DNAH5: variants seen among roughly 807,000 people sequenced by gnomAD.
DNAH5 encodes dynein axonemal heavy chain 5.
A neutral mutation model predicts 518.2 loss-of-function variants in DNAH5; 372 were observed. The observed-to-expected ratio is 0.72, with a 90% CI of 0.66 to 0.78. The LOEUF is 0.78. Among genes scored for constraint, DNAH5 ranks in the 30% least tolerant of loss-of-function variants. The pLI is 0.00. For missense variants in DNAH5, 5,523 were observed against 5,687.0 expected (o/e 0.97, Z 0.93); for synonymous variants, 2,039 against 2,025.9 (o/e 1.01, Z -0.17).
chr5:13,807,081 G>C (rs1398090446), intron 47 of DNAH5, among the ~76,000 whole-genome samples: 1 of 152,208 alleles, frequency 6.6e-6, no homozygotes, highest in Admixed American at 6.5e-5. Context: ...CAATCATGCA[G>C]AAGTGGATTA....
intron 58 of DNAH5, among the ~76,000 whole-genome samples, chr5:13,767,766 G>T (rs1346099233): frequency 1.3e-5 from 2 of 152,160 alleles, no homozygotes; most frequent in East Asian, 1.9e-4. Flanking sequence ...TCTCTTTTCT[G>T]CAGGCCAAGA....
chr5:13,754,404 T>C, intron 61 of DNAH5, 66 bp from the exon 62 acceptor site: 3 of 1,579,020 alleles, frequency 1.9e-6, no homozygotes, highest in Non-Finnish European at 2.6e-6. Flanking sequence ...CTCAAAAATA[T>C]AATTGTAGAA....
intron 51 of DNAH5, among the ~76,000 whole-genome samples, chr5:13,786,754 T>C (rs1756092407): frequency 6.6e-6 from 1 of 152,150 alleles, no homozygotes; most frequent in Non-Finnish European, 1.5e-5. Context: ...TTGCATTTAC[T>C]CAGGAAATTT....
intron 38 of DNAH5, among the ~76,000 whole-genome samples, 161 bp from the exon 39 acceptor site, chr5:13,824,494 C>T (rs778230666): frequency 9.2e-5 from 14 of 152,162 alleles, no homozygotes; most frequent in South Asian, 2.1e-4. Context: ...TATAGATATA[C>T]GTTTTGAGCA....
intron 78 of DNAH5, among the ~76,000 whole-genome samples, chr5:13,692,376 C>G (rs545536563): frequency 6.6e-6 from 1 of 152,258 alleles, no homozygotes; most frequent in African/African-American, 2.4e-5. Flanking sequence ...GCCCCTTGCC[C>G]TGAACCATGG....
At chr5:13,736,057 G>A (rs1203350700) in intron 66 of DNAH5, 125 bp from the exon 67 acceptor site, 2 of 731,178 alleles carry the variant, frequency 2.7e-6, no homozygotes, top group Non-Finnish European at 5.0e-6. Context: ...CTGCCTACCA[G>A]ATACGGGATA....
intron 49 of DNAH5, among the ~76,000 whole-genome samples, chr5:13,793,159 G>A (rs1013855804): frequency 6.6e-6 from 1 of 152,036 alleles, no homozygotes; most frequent in African/African-American, 2.4e-5. Context: ...ATAAACTTTC[G>A]ACATGGAACA....
intron 30 of DNAH5, among the ~76,000 whole-genome samples, chr5:13,852,293 G>T (rs1766988136): frequency 6.6e-6 from 1 of 152,108 alleles, no homozygotes; most frequent in African/African-American, 2.4e-5. Context: ...TCAGCCTCCT[G>T]AGAAGCTGGG....
chr5:13,829,885 T>C (rs914829296), intron 37 of DNAH5, 141 bp downstream of exon 37: 13 of 1,081,872 alleles, frequency 1.2e-5, no homozygotes, highest in Non-Finnish European at 1.7e-5. Context: ...GATCTTTGCT[T>C]AACACCAAAA....
chr5:13,933,522 T>G (rs1385208611), intron 1 of DNAH5, among the ~76,000 whole-genome samples: 1 of 152,172 alleles, frequency 6.6e-6, no homozygotes, highest in East Asian at 1.9e-4. Flanking sequence ...TTGGGCACAG[T>G]GGCTCATGCC....
At chr5:13,853,254 C>T (rs1561435287) in intron 30 of DNAH5, among the ~76,000 whole-genome samples, 1 of 152,216 alleles carries the variant, frequency 6.6e-6, no homozygotes, top group Non-Finnish European at 1.5e-5. Context: ...CCCCAGCAAA[C>T]TCCAGAAGAC....
At chr5:13,817,513 A>G (rs751348782) in intron 42 of DNAH5, 35 bp downstream of exon 42, 8 of 1,603,562 alleles carry the variant, frequency 5.0e-6, no homozygotes, top group Non-Finnish European at 6.8e-6. Context: ...ATCTAGAAGT[A>G]TAATCAAAAA....
At chr5:13,874,510 C>T (rs1181395611) in intron 22 of DNAH5, among the ~76,000 whole-genome samples, 1 of 151,960 alleles carries the variant, frequency 6.6e-6, no homozygotes, top group African/African-American at 2.4e-5. Context: ...TTTGGTCCAG[C>T]TCAACGTTTC....
chr5:13,695,184 C>T (rs1454339453), intron 78 of DNAH5, among the ~76,000 whole-genome samples: 4 of 152,184 alleles, frequency 2.6e-5, no homozygotes, highest in Non-Finnish European at 2.9e-5. Context: ...ATTTGAGATG[C>T]CTCCAAAGCC....
chr5:13,704,978 T>C (rs1184156820), intron 76 of DNAH5, among the ~76,000 whole-genome samples: 1 of 150,642 alleles, frequency 6.6e-6, no homozygotes, highest in Non-Finnish European at 1.5e-5. Flanking sequence ...TGACTATAGT[T>C]TATACCAATA....
In DNAH5 at chr5:13,766,165, C is replaced by G. The variant is rs188218914; in HGVS notation, c.9912G>C (p.Ser3304=). The change falls in exon 59 of 79, where the codon TCG becomes TCC. Residue 3304 remains serine, a synonymous_variant. Coordinates refer to ENST00000265104, the MANE Select transcript of DNAH5 (RefSeq NM_001369.3). ...AEAALQTIRP[S]DIATVRTLGR... ...CCAACGTGCGAACAGTGGCGATGTCCGAAGGCCTGATGGTCTGGGGGATGA... is the reference window on the plus strand; with the variant it reads ...CCAACGTGCGAACAGTGGCGATGTCGGAAGGCCTGATGGTCTGGGGGATGA... The G allele has an allele frequency of 4.3e-6, 7 of 1,614,136 alleles. No individual in the cohort carries two copies. In the African/African-American group the frequency reaches 9.3e-5, roughly 22 times the overall value.
chr5:13,739,849 T>C (rs1441365415), intron 65 of DNAH5, among the ~76,000 whole-genome samples: 3 of 152,140 alleles, frequency 2.0e-5, no homozygotes, highest in African/African-American at 4.8e-5. Flanking sequence ...CTTATCCCCA[T>C]ACTACTCCAT....
rs190880868 is a variant in DNAH5 at position 13,896,348 on chromosome 5, G to T, written c.2260-1527C>A. ...CTCTTTCCCTCTCTTACCTGCACTT[G>T]CCTGACTGTCTTCCTTTCTGGTCCT... On this transcript the variant is annotated intron_variant, in intron 15 of 78. Coordinates refer to ENST00000265104, the MANE Select transcript of DNAH5 (RefSeq NM_001369.3). Among the ~76,000 whole-genome samples the T allele has an allele frequency of 1.6e-3, 237 of 152,022 alleles. 1 individual carries two copies. Among genetic ancestry groups the T allele is most frequent in the Non-Finnish European group, 4.7e-4 (32 of 68,004 alleles).
At position 13,814,482 on chromosome 5, in the gene DNAH5, C is replaced by A. The variant is rs192344629; in HGVS notation, c.7230+123G>T. ...TGTCCCAGTGCATTCAAGTATCTTCCACAAACATTAGCATAAAAATGCAGT... is the reference window on the plus strand; with the variant it reads ...TGTCCCAGTGCATTCAAGTATCTTCAACAAACATTAGCATAAAAATGCAGT... On this transcript the variant is annotated intron_variant, in intron 43 of 78. Transcript: ENST00000265104. 48 of 949,912 alleles carry A rather than the reference C, an allele frequency of 5.1e-5. No homozygotes were observed. The African/African-American group carries it at 5.9e-4, about 12-fold the overall frequency. The allele number at this position is 949,912 out of a possible 1,614,324, so 58.8% of individuals were successfully genotyped here. A position where few individuals can be genotyped will look rare whatever the true frequency, so the allele number is the denominator to read the frequency against.
Sources: allele counts gnomAD v4.1 joint callset (sites outside exome capture counted in the v4.1 genomes callset), GRCh38; gene constraint gnomAD v4.1.1; transcripts MANE v1.5; gene names NCBI Gene and HGNC (gene_info 2026-07-23, HGNC 2026-07-21).